EXOC4: variants seen among roughly 807,000 people sequenced by gnomAD.
EXOC4 encodes the protein exocyst complex component 4.
A neutral mutation model predicts 107.2 loss-of-function variants in EXOC4; 71 were observed. That is an observed-to-expected ratio of 0.66 (90% CI 0.55 to 0.81). The LOEUF (loss-of-function observed/expected upper bound fraction) is 0.81, where lower values mean the gene tolerates loss of function less well. Ranked by LOEUF, EXOC4 falls within the 30% of genes least tolerant of loss-of-function variation. The probability of loss-of-function intolerance (pLI) is 0.00; values close to 1 mark genes in which losing one functional copy is unlikely to be tolerated. For missense variants in EXOC4, 1,108 were observed against 1,189.6 expected, an observed-to-expected ratio of 0.93 and a Z score of 1.01; for synonymous variants, 456 against 441.2, an observed-to-expected ratio of 1.03 and a Z score of -0.42.
intron 10 of EXOC4, among the ~76,000 whole-genome samples, chr7:133,800,997 C>G (rs1160917038): frequency 2.0e-5 from 3 of 152,104 alleles, no homozygotes; most frequent in Non-Finnish European, 4.4e-5. Flanking sequence ...TAAAGGGATA[C>G]CCATGTCTGC....
chr7:133,253,109 C>T lies in EXOC4; in HGVS notation c.8C>T (p.Ala3Val), dbSNP rs771535728. ...GCTCTCCCCGCGTCCAAGATGGCGG[C>T]AGAAGCAGCTGGTGGGAAATACAGA... is the stretch of plus-strand genomic sequence containing the variant. MA[A>V]EAAGGKYRST... is the part of the protein sequence containing the mutation. The change falls in exon 1 of 18, where the codon GCA (alanine) becomes GTA (valine). Residue 3 changes from alanine (A) to valine (V), a missense_variant. Coordinates refer to ENST00000253861, the MANE Select transcript of EXOC4 (RefSeq NM_021807.4). The T allele has an allele frequency of 8.1e-6, 13 of 1,614,144 alleles. No individual in the cohort carries two copies. Among genetic ancestry groups the T allele is most frequent in the African/African-American group, 1.3e-5 (1 of 75,066 alleles).
At chr7:133,268,319 A>T (rs955564606) in intron 1 of EXOC4, among the ~76,000 whole-genome samples, 1 of 152,230 alleles carries the variant, frequency 6.6e-6, no homozygotes, top group African/African-American at 2.4e-5. Context: ...TTGATGAGGT[A>T]GTAAGAGACT....
intron 10 of EXOC4, among the ~76,000 whole-genome samples, chr7:133,730,013 G>A (rs1016582262): frequency 2.6e-5 from 4 of 151,380 alleles, no homozygotes; most frequent in Non-Finnish European, 5.9e-5. Context: ...ATAATCATTG[G>A]CTATTGTTAT....
the EXOC4 span, among the ~76,000 whole-genome samples, chr7:134,073,730 A>T: frequency 4.6e-5 from 7 of 152,182 alleles, no homozygotes; most frequent in East Asian, 1.4e-3. Context: ...TCTCAGCAGA[A>T]GTCCGACTCC....
At chr7:133,847,493 C>T (rs114053686) in intron 11 of EXOC4, among the ~76,000 whole-genome samples, 3,689 of 150,962 alleles carry the variant, frequency 0.024, 163 homozygotes, top group African/African-American at 0.085. Context: ...ATTGTCCTGC[C>T]TCTCAAGTAG....
At chr7:133,658,435 G>C (rs1803353596) in intron 10 of EXOC4, among the ~76,000 whole-genome samples, 1 of 152,116 alleles carries the variant, frequency 6.6e-6, no homozygotes, top group South Asian at 2.1e-4. Context: ...GTCCACATCT[G>C]TTACTGTGTC....
At chr7:133,552,371 C>T (rs900040265) in intron 9 of EXOC4, among the ~76,000 whole-genome samples, 5 of 152,126 alleles carry the variant, frequency 3.3e-5, no homozygotes, top group African/African-American at 1.2e-4. Flanking sequence ...TTGAAGATGT[C>T]TTTGTGTTAC....
At chr7:133,556,900 G>T (rs1167795233) in intron 9 of EXOC4, among the ~76,000 whole-genome samples, 1 of 152,182 alleles carries the variant, frequency 6.6e-6, no homozygotes, top group Non-Finnish European at 1.5e-5. Context: ...CCTGGGACAG[G>T]TCCGTGCCTG....
intron 9 of EXOC4, among the ~76,000 whole-genome samples, chr7:133,548,817 A>G (rs970800562): frequency 3.3e-5 from 5 of 152,200 alleles, no homozygotes; most frequent in African/African-American, 1.2e-4. Context: ...AACTTTCGCC[A>G]TGTAAGAAAT....
intron 9 of EXOC4, among the ~76,000 whole-genome samples, chr7:133,561,622 A>G (rs893323650): frequency 1.3e-5 from 2 of 152,190 alleles, no homozygotes; most frequent in East Asian, 1.9e-4. Context: ...TTGCTTTGCT[A>G]TAACGTTGAT....
chr7:134,007,899 A>G, intron 17 of EXOC4, 64 bp downstream of exon 17: 1 of 1,437,274 alleles, frequency 7.0e-7, no homozygotes, highest in Non-Finnish European at 9.4e-7. Context: ...CTGTGAAGTC[A>G]TTTTTAAAAA....
At chr7:133,540,477 A>G (rs1048415310) in intron 9 of EXOC4, among the ~76,000 whole-genome samples, 4 of 152,250 alleles carry the variant, frequency 2.6e-5, no homozygotes, top group Admixed American at 6.5e-5. Context: ...TTAAAAGAAC[A>G]CTAATAAGTT....
chr7:133,470,916 A>G (rs1047810063), intron 7 of EXOC4, among the ~76,000 whole-genome samples: 1 of 152,176 alleles, frequency 6.6e-6, no homozygotes, highest in African/African-American at 2.4e-5. Flanking sequence ...ATTTGAACCC[A>G]TAGGTGTGTG....
chr7:133,259,036 G>A (rs1236200068), intron 1 of EXOC4, among the ~76,000 whole-genome samples: 1 of 151,992 alleles, frequency 6.6e-6, no homozygotes. Context: ...TTGTAAAGAC[G>A]AGTCATAGGA....
intron 11 of EXOC4, among the ~76,000 whole-genome samples, chr7:133,875,791 T>G (rs2116418135): frequency 6.6e-6 from 1 of 152,292 alleles, no homozygotes; most frequent in Admixed American, 6.5e-5. Flanking sequence ...CTGAGGAAGG[T>G]CACAATAACC....
At chr7:133,669,769 C>T (rs1793905583) in intron 10 of EXOC4, among the ~76,000 whole-genome samples, 1 of 152,172 alleles carries the variant, frequency 6.6e-6, no homozygotes, top group Non-Finnish European at 1.5e-5. Flanking sequence ...CCTTCAGAGT[C>T]CCTTCCACTC....
At chr7:133,271,011 T>A (rs1793856507) in intron 1 of EXOC4, among the ~76,000 whole-genome samples, 1 of 150,734 alleles carries the variant, frequency 6.6e-6, no homozygotes, top group Admixed American at 6.6e-5. Flanking sequence ...CTCCGCCTCC[T>A]GGGTTCAAGT....
chr7:133,490,990 T>C (rs1799362072), intron 9 of EXOC4, among the ~76,000 whole-genome samples: 1 of 152,220 alleles, frequency 6.6e-6, no homozygotes, highest in Non-Finnish European at 1.5e-5. Flanking sequence ...ATTTCTAAAG[T>C]ACCTTGCGTT....
intron 9 of EXOC4, among the ~76,000 whole-genome samples, chr7:133,533,217 T>C (rs1800212679): frequency 6.6e-6 from 1 of 152,150 alleles, no homozygotes; most frequent in Admixed American, 6.6e-5. Flanking sequence ...TCAATCAATA[T>C]GAATAGTAAC....
Sources: allele counts gnomAD v4.1 joint callset (sites outside exome capture counted in the v4.1 genomes callset), GRCh38; gene constraint gnomAD v4.1.1; transcripts MANE v1.5; gene names NCBI Gene and HGNC (gene_info 2026-07-23, HGNC 2026-07-21).